Variants in ARL1 observed in about 807,000 individuals in gnomAD.
The protein encoded by ARL1 is ADP-ribosylation factor-like protein 1.
In ARL1, 17 loss-of-function variants were observed where a neutral mutation model predicts 30.1. The observed-to-expected ratio is 0.56, with a 90% CI of 0.39 to 0.85. The LOEUF (loss-of-function observed/expected upper bound fraction) is 0.85, where lower values mean the gene tolerates loss of function less well. ARL1 is among the 40% of genes least tolerant of loss of function. The pLI, the probability that ARL1 is intolerant of heterozygous loss-of-function variation, is 0.00. For synonymous variants in ARL1, 58 were observed against 71.7 expected (o/e 0.81, Z 0.97); for missense variants, 102 against 212.6 (o/e 0.48, Z 3.24).
chr12:101,400,215 G>C (rs1009471938), intron 4 of ARL1: 3 of 151,902 alleles, frequency 2.0e-5, no homozygotes, highest in African/African-American at 7.3e-5. Context: ...TTACAGGCGT[G>C]AGCCACCACG....
chr12:101,407,574 C>T (rs2121132991), intron 1 of ARL1, 68 bp downstream of exon 1: 2 of 1,600,938 alleles, frequency 1.2e-6, no homozygotes, highest in African/African-American at 1.3e-5. Context: ...CCCCTCTCCT[C>T]CTCTGCACCC....
chr12:101,404,611 A>G (rs1871390965), intron 2 of ARL1, among the ~76,000 whole-genome samples: 1 of 152,224 alleles, frequency 6.6e-6, no homozygotes, highest in Non-Finnish European at 1.5e-5. Context: ...TAGTCCATAA[A>G]TTTAAACAGT....
At chr12:101,398,496 T>C (rs897035394) in intron 4 of ARL1, among the ~76,000 whole-genome samples, 2 of 152,080 alleles carry the variant, frequency 1.3e-5, no homozygotes, top group African/African-American at 4.8e-5. Flanking sequence ...ATCACTCAGG[T>C]TGGAGTGCAG....
intron 3 of ARL1, among the ~76,000 whole-genome samples, chr12:101,402,108 A>G (rs971204710): frequency 4.6e-5 from 7 of 152,198 alleles, no homozygotes; most frequent in African/African-American, 1.7e-4. Flanking sequence ...CGGTCATCAA[A>G]CATTCACTGT....
At chr12:101,396,652 A>C in intron 4 of ARL1, 75 bp from the exon 5 acceptor site, 1 of 1,158,266 alleles carries the variant, frequency 8.6e-7, no homozygotes, top group Non-Finnish European at 1.2e-6. Context: ...CCAAAAATAC[A>C]TTTTAAACGT....
intron 3 of ARL1, among the ~76,000 whole-genome samples, chr12:101,402,574 G>A (rs1052509971): frequency 6.6e-6 from 1 of 152,202 alleles, no homozygotes; most frequent in Non-Finnish European, 1.5e-5. Context: ...AGAGAGGAGA[G>A]ACTGACAAGA....
Position 101,393,547 on chromosome 12 carries a change from T to G in ARL1, c.*2093A>C, listed in dbSNP as rs1871067678. On this transcript the variant is annotated 3_prime_UTR_variant, in exon 6 of 6. Coordinates refer to ENST00000261636, the MANE Select transcript of ARL1 (RefSeq NM_001177.6). ...GTATATATCAATATCCAAACGCTGGTAGTATACCTGTGCAGTTGTCTCCTG... is the reference window on the plus strand; with the variant it reads ...GTATATATCAATATCCAAACGCTGGGAGTATACCTGTGCAGTTGTCTCCTG... 6.6e-6 allele frequency: 1 copy of G among 152,202 alleles called. No individual in the cohort carries two copies. Among genetic ancestry groups the G allele is most frequent in the Non-Finnish European group, 1.5e-5 (1 of 68,034 alleles). 9.4% of individuals were successfully genotyped at this position (152,202 alleles called of 1,614,324 possible).
chr12:101,396,131 A>G lies in ARL1; in HGVS notation c.515+268T>C, dbSNP rs551215171. On this transcript the variant is annotated intron_variant, in intron 5 of 5. Transcript: ENST00000261636. ...AGAGTCTTAAGCTAATTCCTGAAGGATAAGGAATTGGAGGGTGAGGTGAGG... is the reference window on the plus strand; with the variant it reads ...AGAGTCTTAAGCTAATTCCTGAAGGGTAAGGAATTGGAGGGTGAGGTGAGG... 440 of 600,236 alleles carry G rather than the reference A, an allele frequency of 7.3e-4. 1 individual carries two copies. Among genetic ancestry groups the G allele is most frequent in the African/African-American group, 7.1e-3 (383 of 53,984 alleles). 37.2% of individuals were successfully genotyped at this position (600,236 alleles called of 1,614,324 possible).
In ARL1 at chr12:101,395,447, C is replaced by T. The variant is rs1871123017; in HGVS notation, c.*193G>A. On this transcript the variant is annotated 3_prime_UTR_variant, in exon 6 of 6. Coordinates refer to ENST00000261636, the MANE Select transcript of ARL1 (RefSeq NM_001177.6). ...AAAGAATATTTTACATTACATAGAA[C>T]ATTCAGGTGATTCGATCAAATTATC... The T allele has an allele frequency of 1.8e-6, 1 of 544,754 alleles. No individual in the cohort carries two copies. The highest frequency in any genetic ancestry group is 3.3e-6 in the Non-Finnish European group (1 of 306,070). The allele number at this position is 544,754 out of a possible 1,614,324, so 33.7% of individuals were successfully genotyped here. A position where few individuals can be genotyped will look rare whatever the true frequency, so the allele number is the denominator to read the frequency against.
intron 4 of ARL1, among the ~76,000 whole-genome samples, chr12:101,399,560 C>T (rs992382309): frequency 4.0e-5 from 6 of 150,290 alleles, no homozygotes; most frequent in African/African-American, 1.5e-4. Flanking sequence ...GTACATAGTC[C>T]CCTCGTCTGA....
chr12:101,406,450 T>A (rs1871442631), intron 1 of ARL1, among the ~76,000 whole-genome samples: 1 of 151,908 alleles, frequency 6.6e-6, no homozygotes, highest in South Asian at 2.1e-4. Context: ...TACAAGAAAT[T>A]GAGAAAAAAG....
intron 2 of ARL1, chr12:101,403,445 G>C (rs1028269202): frequency 1.5e-5 from 3 of 206,760 alleles, no homozygotes; most frequent in Non-Finnish European, 3.0e-5. Flanking sequence ...ATAAAAAGCA[G>C]AATTTTGGCT....
intron 4 of ARL1, among the ~76,000 whole-genome samples, chr12:101,399,116 G>GT (rs1350929758): frequency 2.0e-5 from 3 of 151,044 alleles, no homozygotes; most frequent in African/African-American, 4.9e-5. Context: ...ATGCTATGAT[G>GT]TAAAAAAAAA....
intron 2 of ARL1, chr12:101,403,648 G>A (rs1413732776): frequency 1.3e-5 from 2 of 154,152 alleles, no homozygotes; most frequent in South Asian, 2.0e-4. Flanking sequence ...ATCCTTCTTA[G>A]GTGAAAAATA....
rs1871290963 is a variant in ARL1 at position 101,401,007 on chromosome 12, A to G, written c.336+55T>C. 1.1e-5 allele frequency: 13 copies of G among 1,141,436 alleles called. No homozygotes were observed. In the Admixed American group the frequency reaches 2.1e-4, roughly 19 times the overall value. 70.7% of individuals were successfully genotyped at this position (1,141,436 alleles called of 1,614,324 possible). On this transcript the variant is annotated intron_variant, in intron 4 of 5. Coordinates refer to ENST00000261636, the MANE Select transcript of ARL1 (RefSeq NM_001177.6). ...CTGCATTCTTTTTAATTATTCTTCA[A>G]TGTAATAATATGTAAATGACTGCCC... is the stretch of plus-strand genomic sequence containing the variant.
intron 4 of ARL1, among the ~76,000 whole-genome samples, chr12:101,397,399 C>A (rs542620701): frequency 6.6e-6 from 1 of 151,920 alleles, no homozygotes; most frequent in South Asian, 2.1e-4. Context: ...TTTTAAAAAA[C>A]AAACAAAAAA....
chr12:101,396,315 A>G, intron 5 of ARL1, 84 bp downstream of exon 5: 1 of 1,554,578 alleles, frequency 6.4e-7, no homozygotes, highest in Non-Finnish European at 8.9e-7. Context: ...TTCATCCTCA[A>G]CACGGGAGAA....
At chr12:101,395,727 C>G (rs1027593650) in intron 5 of ARL1, 57 bp from the exon 6 acceptor site, 1 of 1,271,866 alleles carries the variant, frequency 7.9e-7, no homozygotes, top group Admixed American at 2.0e-5. Flanking sequence ...AAAGCATGAT[C>G]ATCTATAATA....
Position 101,401,142 on chromosome 12 carries a change from C to T in ARL1, c.256G>A (p.Asp86Asn). Residue 86 changes from aspartate to asparagine, a missense_variant, in exon 4 of 6, where the codon GAT becomes AAT. Coordinates refer to ENST00000261636, the MANE Select transcript of ARL1 (RefSeq NM_001177.6). ...CTGTCTACTACATAAATGACTGCAT[C>T]TGTGTTTGAATAGTAACATCTCCAG... Reference protein sequence around the residue: ...PYWRCYYSNTDAVIYVVDSCD... With the variant: ...PYWRCYYSNTNAVIYVVDSCD... 1 of 1,613,558 alleles carries T rather than the reference C, an allele frequency of 6.2e-7. No individual in the cohort carries two copies.
Sources: allele counts gnomAD v4.1 joint callset (sites outside exome capture counted in the v4.1 genomes callset), GRCh38; gene constraint gnomAD v4.1.1; transcripts MANE v1.5; gene names NCBI Gene and HGNC (gene_info 2026-07-23, HGNC 2026-07-21).